DBX2: variants seen among roughly 807,000 people sequenced by gnomAD.
DBX2 encodes the protein developing brain homeobox 2, also known as homeobox protein DBX2.
DBX2 carries 16 observed loss-of-function variants against 17.7 expected under a neutral mutation model. The observed-to-expected ratio is 0.90, with a 90% CI of 0.61 to 1.37. The LOEUF is 1.37. Ranked by LOEUF, DBX2 falls within the 40% of genes most tolerant of loss-of-function variation. The pLI is 0.00. For synonymous variants in DBX2, 255 were observed against 183.8 expected, an observed-to-expected ratio of 1.39 and a Z score of -3.13; for missense variants, 538 against 433.8, an observed-to-expected ratio of 1.24 and a Z score of -2.13.
In DBX2 at chr12:45,051,060, G is replaced by T. The variant is rs1488870445; in HGVS notation, c.-133C>A. The T allele has an allele frequency of 1.8e-6, 2 of 1,089,416 alleles. No individual in the cohort carries two copies. Among genetic ancestry groups the T allele is most frequent in the Non-Finnish European group, 2.4e-6 (2 of 847,030 alleles). 67.5% of individuals were successfully genotyped at this position (1,089,416 alleles called of 1,614,324 possible). A position where few individuals can be genotyped will look rare whatever the true frequency, so the allele number is the denominator to read the frequency against. ...GCTGGAGCGCGCGGAGCCAGGCAGGGAGGAAAGGCCACCCGGGACGGCGGC... is the reference window on the plus strand; with the variant it reads ...GCTGGAGCGCGCGGAGCCAGGCAGGTAGGAAAGGCCACCCGGGACGGCGGC... On this transcript the variant is annotated 5_prime_UTR_variant, in exon 1 of 4. Transcript: ENST00000332700.
intron 2 of DBX2, 122 bp from the exon 3 acceptor site, chr12:45,024,016 C>A: frequency 3.1e-6 from 3 of 965,488 alleles, no homozygotes; most frequent in Non-Finnish European, 4.3e-6. Flanking sequence ...TTCAACTCTG[C>A]TCACTTAAAG....
chr12:45,034,760 T>C (rs1946427259), intron 2 of DBX2, among the ~76,000 whole-genome samples: 1 of 152,212 alleles, frequency 6.6e-6, no homozygotes, highest in South Asian at 2.1e-4. Context: ...TCAAGTGCTT[T>C]AAATGGTGTC....
intron 1 of DBX2, among the ~76,000 whole-genome samples, chr12:45,040,353 C>T (rs1495040): frequency 0.99 from 150,688 of 152,116 alleles, 74,654 homozygotes; most frequent in Middle Eastern, 1. Context: ...GATCTTGTGT[C>T]AATAGTTAAT....
At chr12:45,039,277 G>GTATATATACATA (rs1946457045) in intron 1 of DBX2, among the ~76,000 whole-genome samples, 2 of 90,276 alleles carry the variant, frequency 2.2e-5, no homozygotes, top group South Asian at 4.2e-4. Context: ...TGCATTGAAG[G>GTATATATACATA]TATATATATA....
At chr12:45,027,977 A>G (rs777540868) in intron 2 of DBX2, among the ~76,000 whole-genome samples, 1 of 152,212 alleles carries the variant, frequency 6.6e-6, no homozygotes, top group Non-Finnish European at 1.5e-5. Context: ...TGCACCAGAT[A>G]AGAAGCCGCT....
At chr12:45,019,739 G>A (rs1946341789) in intron 3 of DBX2, among the ~76,000 whole-genome samples, 1 of 152,050 alleles carries the variant, frequency 6.6e-6, no homozygotes, top group African/African-American at 2.4e-5. Context: ...AGATCTGTAT[G>A]TACTGACATG....
chr12:45,017,556 A>G (rs1251188704), intron 3 of DBX2, among the ~76,000 whole-genome samples: 7 of 152,226 alleles, frequency 4.6e-5, no homozygotes, highest in African/African-American at 1.7e-4. Context: ...CAGGCTTTAT[A>G]CAGTTTCCAA....
intron 2 of DBX2, 92 bp from the exon 3 acceptor site, chr12:45,023,986 C>A (rs1395669927): frequency 7.8e-7 from 1 of 1,278,628 alleles, no homozygotes; most frequent in African/African-American, 1.5e-5. Flanking sequence ...CTACTTTGTA[C>A]TATGGCCAAA....
At chr12:45,032,424 C>T (rs1592754614) in intron 2 of DBX2, among the ~76,000 whole-genome samples, 1 of 152,136 alleles carries the variant, frequency 6.6e-6, no homozygotes. Flanking sequence ...GTCCACTGGC[C>T]ACTCCAGCTG....
At chr12:45,050,379 A>T in intron 1 of DBX2, 146 bp downstream of exon 1, 1 of 1,136,626 alleles carries the variant, frequency 8.8e-7, no homozygotes, top group Non-Finnish European at 1.2e-6. Context: ...CCGAAGTGGC[A>T]TCTCCACTAA....
chr12:45,031,198 G>GTA (rs1946407470), intron 2 of DBX2, among the ~76,000 whole-genome samples: 1 of 78,042 alleles, frequency 1.3e-5, no homozygotes, highest in Non-Finnish European at 3.0e-5. Flanking sequence ...TCAAGTGTGT[G>GTA]TGTGTGTGTG....
Position 45,050,970 on chromosome 12 carries a change from G to T in DBX2, c.-43C>A, listed in dbSNP as rs1946530903. On this transcript the variant is annotated 5_prime_UTR_variant, in exon 1 of 4. Coordinates refer to ENST00000332700, the MANE Select transcript of DBX2 (RefSeq NM_001004329.3). Reference sequence around the variant, plus strand: ...TCTGCTGCGCGCCCGCCTTGCGCCCGCCTGTCGCCCGGGCGCCCCGCACCG... The same window carrying T: ...TCTGCTGCGCGCCCGCCTTGCGCCCTCCTGTCGCCCGGGCGCCCCGCACCG... 12 of 1,367,434 alleles carry T rather than the reference G, an allele frequency of 8.8e-6. No homozygotes were observed. The highest frequency in any genetic ancestry group is 1.1e-5 in the Non-Finnish European group (12 of 1,062,350). 84.7% of individuals were successfully genotyped at this position (1,367,434 alleles called of 1,614,324 possible).
At position 45,023,764 on chromosome 12, in the gene DBX2, A is replaced by G. The variant is rs2137020300; in HGVS notation, c.630T>C (p.Tyr210=). Residue 210 remains tyrosine, a synonymous_variant, in exon 3 of 4, where the codon TAT becomes TAC. Transcript: ENST00000332700. ...ALEKMFQKQK[Y]ISKTDRKKLA... ...GTTTCTTTCGGTCTGTTTTGCTGATATATTTCTGTTTCTGAAACATTTTCT... is the reference window on the plus strand; with the variant it reads ...GTTTCTTTCGGTCTGTTTTGCTGATGTATTTCTGTTTCTGAAACATTTTCT... 6.2e-7 allele frequency: 1 copy of G among 1,614,090 alleles called. No individual in the cohort carries two copies. Among genetic ancestry groups the G allele is most frequent in the South Asian group, 1.1e-5 (1 of 91,066 alleles).
intron 2 of DBX2, among the ~76,000 whole-genome samples, chr12:45,027,598 T>C (rs1297811463): frequency 5.3e-5 from 8 of 152,216 alleles, no homozygotes; most frequent in Admixed American, 3.9e-4. Context: ...AGAAAGTACT[T>C]ACATTATGAT....
At chr12:45,035,036 A>C (rs978352677) in intron 2 of DBX2, among the ~76,000 whole-genome samples, 17 of 152,198 alleles carry the variant, frequency 1.1e-4, no homozygotes, top group African/African-American at 1.7e-4. Flanking sequence ...CCCCCTAAAG[A>C]GATGCTTAGA....
At position 45,050,949 on chromosome 12, in the gene DBX2, C is replaced by G. The variant is rs757716479; in HGVS notation, c.-22G>C. ...GCATAGTGCGGCGCCAACCGGTCTGCTGCGCGCCCGCCTTGCGCCCGCCTG... is the reference window on the plus strand; with the variant it reads ...GCATAGTGCGGCGCCAACCGGTCTGGTGCGCGCCCGCCTTGCGCCCGCCTG... On this transcript the variant is annotated 5_prime_UTR_variant, in exon 1 of 4. Transcript: ENST00000332700. 5.7e-6 allele frequency: 8 copies of G among 1,407,360 alleles called. 1 individual carries two copies. The South Asian group carries it at 1.3e-4, about 23-fold the overall frequency. 87.2% of individuals were successfully genotyped at this position (1,407,360 alleles called of 1,614,324 possible).
intron 1 of DBX2, among the ~76,000 whole-genome samples, chr12:45,038,430 T>C (rs945694073): frequency 4.0e-5 from 6 of 151,692 alleles, no homozygotes; most frequent in African/African-American, 1.5e-4. Flanking sequence ...TTTTGTTTTT[T>C]GCTTAATTAG....
intron 2 of DBX2, among the ~76,000 whole-genome samples, chr12:45,028,804 A>G (rs902823303): frequency 6.6e-6 from 1 of 152,226 alleles, no homozygotes; most frequent in Non-Finnish European, 1.5e-5. Flanking sequence ...TACACCAAAA[A>G]GTAAAGAATA....
intron 1 of DBX2, 44 bp downstream of exon 1, chr12:45,050,481 G>T (rs11182811): frequency 6.5e-7 from 1 of 1,541,694 alleles, no homozygotes; most frequent in Non-Finnish European, 8.7e-7. Flanking sequence ...CACCCGGCCT[G>T]GGGGCGCGGG....
Sources: gnomAD v4.1 joint callset for allele counts (sites outside exome capture counted in the v4.1 genomes callset) on GRCh38, gnomAD v4.1.1 for gene constraint, MANE v1.5 for transcripts, NCBI Gene and HGNC (gene_info 2026-07-23, HGNC 2026-07-21) for gene names.